KIF14: variants seen among roughly 807,000 people sequenced by gnomAD.
The protein encoded by KIF14 is kinesin family member 14.
In KIF14, 98 loss-of-function variants were observed where a neutral mutation model predicts 176.2. The observed-to-expected ratio is 0.56, with a 90% CI of 0.47 to 0.66. The LOEUF (loss-of-function observed/expected upper bound fraction) is 0.66, where lower values mean the gene tolerates loss of function less well. KIF14 is among the 30% of genes least tolerant of loss of function. The probability of loss-of-function intolerance (pLI) is 0.00; values close to 1 mark genes in which losing one functional copy is unlikely to be tolerated. For missense variants in KIF14, 1,751 were observed against 1,920.4 expected (o/e 0.91, Z 1.65); for synonymous variants, 566 against 632.2 (o/e 0.90, Z 1.57).
chr1:200,608,956 A>G (rs1448880864), intron 4 of KIF14, 28 bp from the exon 5 acceptor site: 5 of 1,318,636 alleles, frequency 3.8e-6, no homozygotes, highest in Non-Finnish European at 5.4e-6. Flanking sequence ...ACAGCATATA[A>G]TTTATTTTGA....
rs1228646256 is a variant in KIF14 at position 200,614,340 on chromosome 1, A to G, written c.1433T>C (p.Val478Ala). 6.2e-7 allele frequency: 1 copy of G among 1,604,822 alleles called. No individual in the cohort carries two copies. Among genetic ancestry groups the G allele is most frequent in the South Asian group, 1.1e-5 (1 of 90,692 alleles). ...PRFCEDLFSQVARKQTQEVSY... is the reference protein window; with the variant it reads ...PRFCEDLFSQAARKQTQEVSY... ...TACCTCTTGGGTTTGTTTTCTGGCT[A>G]CTTGAGAAAAAAGATCTTCACAAAA... is the stretch of plus-strand genomic sequence containing the variant. The change falls in exon 4 of 30, where the codon GTA (valine) becomes GCA (alanine). Residue 478 changes from valine (V) to alanine (A), a missense_variant. Val to Ala is a moderately conservative substitution (Grantham distance 64, BLOSUM62 0). Transcript: ENST00000367350.
chr1:200,565,042 C>A, intron 25 of KIF14, 27 bp downstream of exon 25: 1 of 1,551,804 alleles, frequency 6.4e-7, no homozygotes, highest in Non-Finnish European at 8.8e-7. Context: ...ATGAATCCTT[C>A]AAATGATAAT....
intron 18 of KIF14, among the ~76,000 whole-genome samples, chr1:200,586,508 G>C (rs1195391316): frequency 6.6e-6 from 1 of 151,524 alleles, no homozygotes; most frequent in Non-Finnish European, 1.5e-5. Context: ...AACATGAAAA[G>C]CTTTTAAAAA....
intron 25 of KIF14, among the ~76,000 whole-genome samples, chr1:200,561,553 A>C (rs970309432): frequency 8.1e-6 from 1 of 123,132 alleles, no homozygotes; most frequent in African/African-American, 2.8e-5. Flanking sequence ...TGATTTTCAA[A>C]AGAAAAGAGA....
intron 14 of KIF14, among the ~76,000 whole-genome samples, chr1:200,595,272 T>C (rs1309075053): frequency 1.0e-5 from 1 of 99,036 alleles, no homozygotes; most frequent in Non-Finnish European, 2.4e-5. Context: ...TATGCAGTAC[T>C]CATAACACTT....
chr1:200,586,837 G>T (rs891126100), intron 18 of KIF14, among the ~76,000 whole-genome samples: 1 of 143,810 alleles, frequency 7.0e-6, no homozygotes, highest in African/African-American at 2.5e-5. Flanking sequence ...ATACTACCCA[G>T]CAATAAAAAA....
At position 200,559,346 on chromosome 1, in the gene KIF14, T is replaced by C. The variant is rs752038093; in HGVS notation, c.4337A>G (p.Gln1446Arg). The change falls in exon 27 of 30, where the codon CAG becomes CGG. Residue 1446 changes from glutamine to arginine, a missense_variant. Physicochemically the swap from Gln to Arg is conservative, Grantham distance 43. Transcript: ENST00000367350. ...TCATCTTACCTCATTTTTTGTACACTGCCTAAAGAGTTCATGCTGAAGTTC... is the reference window on the plus strand; with the variant it reads ...TCATCTTACCTCATTTTTTGTACACCGCCTAAAGAGTTCATGCTGAAGTTC... ...AKELQHELFR[Q>R]CTKNEVTKEM... 6 of 1,567,778 alleles carry C rather than the reference T, an allele frequency of 3.8e-6. No individual in the cohort carries two copies. In the South Asian group the frequency reaches 7.3e-5, roughly 19 times the overall value.
intron 18 of KIF14, among the ~76,000 whole-genome samples, chr1:200,588,685 T>A (rs1193737328): frequency 6.6e-6 from 1 of 152,232 alleles, no homozygotes; most frequent in Non-Finnish European, 1.5e-5. Context: ...TTTTATCCCT[T>A]AGGCTTGTGA....
intron 11 of KIF14, 43 bp from the exon 12 acceptor site, chr1:200,600,546 T>C (rs778420110): frequency 7.2e-7 from 1 of 1,389,436 alleles, no homozygotes; most frequent in Admixed American, 1.8e-5. Flanking sequence ...ACATTTAATA[T>C]ATAACAATTT....
intron 25 of KIF14, among the ~76,000 whole-genome samples, chr1:200,563,918 T>C (rs1233956668): frequency 6.6e-6 from 1 of 152,128 alleles, no homozygotes; most frequent in Non-Finnish European, 1.5e-5. Context: ...TCTAGCCAGA[T>C]ATATAAATAG....
intron 5 of KIF14, among the ~76,000 whole-genome samples, chr1:200,607,757 G>A (rs758285841): frequency 9.9e-5 from 15 of 151,922 alleles, no homozygotes; most frequent in Non-Finnish European, 1.6e-4. Context: ...GCTGGAGTGC[G>A]GTGGTGAAAT....
intron 22 of KIF14, among the ~76,000 whole-genome samples, chr1:200,570,236 G>A (rs934946469): frequency 3.9e-5 from 6 of 152,160 alleles, no homozygotes; most frequent in Admixed American, 6.5e-5. Flanking sequence ...ACTACTATTT[G>A]CAGGCTCTGG....
chr1:200,613,609 A>T (rs1660263794), intron 4 of KIF14, among the ~76,000 whole-genome samples: 2 of 152,094 alleles, frequency 1.3e-5, no homozygotes, highest in Non-Finnish European at 2.9e-5. Flanking sequence ...ATACTGGAGG[A>T]AAAGCATGAA....
intron 19 of KIF14, among the ~76,000 whole-genome samples, chr1:200,583,751 G>A (rs1272382882): frequency 2.0e-5 from 3 of 151,948 alleles, no homozygotes; most frequent in Non-Finnish European, 4.4e-5. Context: ...ATACCAGCCT[G>A]GCCAACATGG....
intron 14 of KIF14, among the ~76,000 whole-genome samples, chr1:200,597,073 T>A (rs1659390680): frequency 6.6e-6 from 1 of 151,808 alleles, no homozygotes; most frequent in Non-Finnish European, 1.5e-5. Context: ...AAATTTTTTG[T>A]ATTTTTAGTA....
chr1:200,619,844 TATGTAAATATACAGC>T (rs1660600252), intron 1 of KIF14, among the ~76,000 whole-genome samples: 3 of 152,296 alleles, frequency 2.0e-5, no homozygotes, highest in African/African-American at 7.2e-5. Flanking sequence ...GACAGAGGTG[TATGTAAATATACAGC>T]AACAATATCT....
rs12047145 is a variant in KIF14, at chr1:200,582,488, C to A, written c.3242-1194G>T. On this transcript the variant is annotated intron_variant, in intron 19 of 29. Coordinates refer to ENST00000367350, the MANE Select transcript of KIF14 (RefSeq NM_014875.3). ...AACTCATTCACATGAATTAAAAAATCAAGTAATCATTGTAAGGCACTGTCT... is the reference window on the plus strand; with the variant it reads ...AACTCATTCACATGAATTAAAAAATAAAGTAATCATTGTAAGGCACTGTCT... 2.3e-4 allele frequency among the ~76,000 whole-genome samples: 35 copies of A among 152,134 alleles called. No individual in the cohort carries two copies. In the East Asian group the frequency reaches 6.6e-3, roughly 28 times the overall value.
At chr1:200,577,219 A>G (rs533858365) in intron 21 of KIF14, among the ~76,000 whole-genome samples, 1 of 152,176 alleles carries the variant, frequency 6.6e-6, no homozygotes, top group Admixed American at 6.5e-5. Context: ...AGATATTCAG[A>G]AAGCCAAGGA....
intron 22 of KIF14, among the ~76,000 whole-genome samples, chr1:200,571,262 C>T (rs564583846): frequency 1.4e-5 from 2 of 144,042 alleles, no homozygotes; most frequent in East Asian, 2.1e-4. Flanking sequence ...TTATAATGAG[C>T]GGAGATCATG....
Sources: gnomAD v4.1 joint callset for allele counts (sites outside exome capture counted in the v4.1 genomes callset) on GRCh38, gnomAD v4.1.1 for gene constraint, MANE v1.5 for transcripts, NCBI Gene and HGNC (gene_info 2026-07-23, HGNC 2026-07-21) for gene names.